Variants in ERC1 observed in about 807,000 individuals in gnomAD.
The protein encoded by ERC1 is RAB6 interacting protein 2.
In ERC1, 56 loss-of-function variants were observed where a neutral mutation model predicts 132.0. The ratio of observed to expected loss-of-function variants is 0.42; its 90% CI spans 0.34 to 0.53. ERC1 has a LOEUF of 0.53. Among genes scored for constraint, ERC1 ranks in the 20% least tolerant of loss-of-function variants. ERC1 has a pLI of 0.03. For synonymous variants in ERC1, 478 were observed against 476.1 expected, an observed-to-expected ratio of 1.00 and a Z score of -0.05; for missense variants, 1,202 against 1,349.9, an observed-to-expected ratio of 0.89 and a Z score of 1.72.
chr12:1,411,603 G>T (rs1255932487), intron 17 of ERC1, among the ~76,000 whole-genome samples: 3 of 152,198 alleles, frequency 2.0e-5, no homozygotes, highest in African/African-American at 7.2e-5. Flanking sequence ...GAAAGCTAAA[G>T]CTGAGAGCAG....
At chr12:1,366,985 G>A (rs558358466) in intron 15 of ERC1, among the ~76,000 whole-genome samples, 1 of 152,282 alleles carries the variant, frequency 6.6e-6, no homozygotes, top group East Asian at 1.9e-4. Context: ...ACCCACAGAG[G>A]CTCTCCCATG....
At chr12:1,407,311 C>A (rs1403864480) in intron 16 of ERC1, among the ~76,000 whole-genome samples, 1 of 152,064 alleles carries the variant, frequency 6.6e-6, no homozygotes, top group African/African-American at 2.4e-5. Flanking sequence ...GAGAGCACTT[C>A]TGTCTGAACA....
chr12:1,161,082 T>TC (rs1165014474), intron 8 of ERC1, among the ~76,000 whole-genome samples: 3 of 152,226 alleles, frequency 2.0e-5, no homozygotes, highest in Non-Finnish European at 4.4e-5. Flanking sequence ...CTCCCAGTCT[T>TC]CCCAGTCTTT....
At position 1,470,448 on chromosome 12, in the gene ERC1, TTG is replaced by T. The variant is rs1409385571; in HGVS notation, c.3214-19643_3214-19642del. Among the ~76,000 whole-genome samples the T allele has an allele frequency of 1.2e-4, 18 of 151,774 alleles. 1 individual carries two copies. Among genetic ancestry groups the T allele is most frequent in the African/African-American group, 4.4e-4 (18 of 41,304 alleles). ...TAGTTGTTTGGGTTTGGGGTTTTTT[TTG>T]TTTTTTTTTTTTCTTCATCTTCTCC... On this transcript the variant is annotated intron_variant, in intron 18 of 18. Transcript: ENST00000360905.
At chr12:1,443,942 A>G (rs1364272871) in intron 17 of ERC1, 3 of 152,306 alleles carry the variant, frequency 2.0e-5, no homozygotes, top group African/African-American at 4.8e-5. Flanking sequence ...GGTGTTATAT[A>G]GGGATTTATC....
intron 17 of ERC1, among the ~76,000 whole-genome samples, chr12:1,434,846 A>G (rs1481054488): frequency 1.3e-5 from 2 of 152,152 alleles, no homozygotes; most frequent in Non-Finnish European, 2.9e-5. Context: ...TCAATTGTAT[A>G]TTTTCAAATA....
chr12:1,148,293 C>G (rs965529308), intron 8 of ERC1, among the ~76,000 whole-genome samples: 1 of 152,038 alleles, frequency 6.6e-6, no homozygotes, highest in Non-Finnish European at 1.5e-5. Flanking sequence ...ATCTGAGTCG[C>G]TAGGGAGGCT....
At chr12:1,487,911 G>A (rs1017751844) in intron 18 of ERC1, among the ~76,000 whole-genome samples, 2 of 152,070 alleles carry the variant, frequency 1.3e-5, no homozygotes, top group Non-Finnish European at 2.9e-5. Flanking sequence ...GGCCGAGGCG[G>A]GCGGATCACA....
intron 13 of ERC1, among the ~76,000 whole-genome samples, chr12:1,255,621 C>CTTTTGTT (rs1566399460): frequency 1.1e-4 from 7 of 61,558 alleles, no homozygotes; most frequent in African/African-American, 4.2e-4. Flanking sequence ...GCTTCCTGGC[C>CTTTTGTT]TTTTTTTTTT....
intron 16 of ERC1, among the ~76,000 whole-genome samples, chr12:1,377,522 C>G (rs2154376920): frequency 6.6e-6 from 1 of 152,308 alleles, no homozygotes; most frequent in African/African-American, 2.4e-5. Flanking sequence ...ACAATTTGTC[C>G]TATAATATGG....
intron 12 of ERC1, among the ~76,000 whole-genome samples, chr12:1,190,678 G>A (rs970812334): frequency 1.3e-5 from 2 of 151,986 alleles, no homozygotes. Flanking sequence ...TTTTTGGTGT[G>A]TTTTCTTATT....
At chr12:1,029,336 C>T (rs577565755) in intron 2 of ERC1, among the ~76,000 whole-genome samples, 40 of 151,896 alleles carry the variant, frequency 2.6e-4, no homozygotes, top group South Asian at 1.7e-3. Flanking sequence ...TGGAGTGAGA[C>T]TCTGTCTCAA....
intron 17 of ERC1, among the ~76,000 whole-genome samples, chr12:1,411,932 G>A (rs1314491389): frequency 6.6e-6 from 1 of 152,162 alleles, no homozygotes; most frequent in African/African-American, 2.4e-5. Context: ...ACTTGTTCCT[G>A]AAATCTTCAT....
chr12:1,484,088 G>A (rs11061777), intron 18 of ERC1, among the ~76,000 whole-genome samples: 127,992 of 150,836 alleles, frequency 0.85, 54,459 homozygotes, highest in East Asian at 0.96. Flanking sequence ...GGCGGATCAC[G>A]AGGTCAGGAG....
At chr12:1,149,588 G>A (rs372314704) in intron 8 of ERC1, among the ~76,000 whole-genome samples, 7 of 151,990 alleles carry the variant, frequency 4.6e-5, no homozygotes, top group African/African-American at 1.7e-4. Context: ...TTGTAGAGAT[G>A]GGGTTTCACC....
intron 2 of ERC1, among the ~76,000 whole-genome samples, chr12:1,072,488 C>G (rs1023772878): frequency 8.1e-6 from 1 of 123,532 alleles, no homozygotes; most frequent in Admixed American, 8.4e-5. Context: ...GCTCTTTTAT[C>G]TGCTTAATGT....
intron 12 of ERC1, among the ~76,000 whole-genome samples, chr12:1,214,701 C>CACAT (rs1555309952): frequency 1.3e-5 from 2 of 150,746 alleles, no homozygotes. Context: ...CACACACACA[C>CACAT]ATATGTTTGG....
chr12:1,443,444 T>C (rs1382024311), intron 17 of ERC1: 2 of 152,230 alleles, frequency 1.3e-5, no homozygotes, highest in Non-Finnish European at 2.9e-5. Flanking sequence ...TCTGTTGACT[T>C]GAAGATTATT....
chr12:1,133,935 T>A (rs1949011985), intron 7 of ERC1, among the ~76,000 whole-genome samples: 1 of 152,242 alleles, frequency 6.6e-6, no homozygotes, highest in South Asian at 2.1e-4. Context: ...CAGTTTTCAC[T>A]GAATGCTTTT....
Sources: allele counts gnomAD v4.1 joint callset (sites outside exome capture counted in the v4.1 genomes callset), GRCh38; gene constraint gnomAD v4.1.1; transcripts MANE v1.5; gene names NCBI Gene and HGNC (gene_info 2026-07-23, HGNC 2026-07-21).